Variants in TAMM41 observed in about 807,000 individuals in gnomAD.
The protein encoded by TAMM41 is TAM41 mitochondrial translocator assembly and maintenance homolog, also known as phosphatidate cytidylyltransferase, mitochondrial.
TAMM41 carries 36 observed loss-of-function variants against 44.1 expected under a neutral mutation model. The ratio of observed to expected loss-of-function variants is 0.82; its 90% CI spans 0.63 to 1.08. The LOEUF (loss-of-function observed/expected upper bound fraction) is 1.08. Ranked by LOEUF, TAMM41 falls within the 50% of genes least tolerant of loss-of-function variation. The probability of loss-of-function intolerance (pLI) is 0.00; values close to 1 mark genes in which losing one functional copy is unlikely to be tolerated. For missense variants in TAMM41, 417 were observed against 404.3 expected, an observed-to-expected ratio of 1.03 and a Z score of -0.27; for synonymous variants, 164 against 153.1, an observed-to-expected ratio of 1.07 and a Z score of -0.53.
intron 7 of TAMM41, 82 bp from the exon 8 acceptor site, chr3:11,790,663 C>T (rs2077457934): frequency 7.6e-7 from 1 of 1,307,682 alleles, no homozygotes; most frequent in Non-Finnish European, 1.1e-6. Context: ...TCTGAGCAGA[C>T]TTGTCTTTGG....
chr3:11,780,022 G>GT, the TAMM41 span, among the ~76,000 whole-genome samples: 11 of 152,202 alleles, frequency 7.2e-5, no homozygotes, highest in African/African-American at 2.6e-4. Flanking sequence ...CAGTGATCCT[G>GT]CCCTGGACCA....
chr3:11,839,048 T>C (rs556873590), intron 3 of TAMM41, among the ~76,000 whole-genome samples, 174 bp downstream of exon 3: 1 of 152,356 alleles, frequency 6.6e-6, no homozygotes, highest in African/African-American at 2.4e-5. Flanking sequence ...TTTCTTCTTA[T>C]ATCACAATAG....
intron 2 of TAMM41, among the ~76,000 whole-genome samples, chr3:11,839,882 T>G (rs140274070): frequency 6.6e-6 from 1 of 151,946 alleles, no homozygotes; most frequent in Non-Finnish European, 1.5e-5. Context: ...GACTTGTGAG[T>G]TCTCCAATTA....
chr3:11,733,179 G>T, the TAMM41 span, among the ~76,000 whole-genome samples: 9 of 150,722 alleles, frequency 6.0e-5, no homozygotes, highest in South Asian at 6.3e-4. Flanking sequence ...TTGTATTTTT[G>T]GTATAGGCAG....
chr3:11,842,811 G>A (rs1310789433), intron 2 of TAMM41, among the ~76,000 whole-genome samples: 2 of 152,136 alleles, frequency 1.3e-5, no homozygotes, highest in Non-Finnish European at 1.5e-5. Flanking sequence ...AAGCCTGACC[G>A]CCTTGAACAA....
At chr3:11,798,247 C>T (rs1259838598) in intron 7 of TAMM41, among the ~76,000 whole-genome samples, 1 of 152,134 alleles carries the variant, frequency 6.6e-6, no homozygotes, top group East Asian at 1.9e-4. Flanking sequence ...TGGAATCAAC[C>T]TAAATGCCCA....
chr3:11,790,194 T>G (rs1476329399), downstream of TAMM41, among the ~76,000 whole-genome samples: 1 of 152,186 alleles, frequency 6.6e-6, no homozygotes, highest in African/African-American at 2.4e-5. Context: ...GGGCTACGTG[T>G]TGACAGCATA....
At chr3:11,832,043 A>G (rs998592907) in intron 3 of TAMM41, among the ~76,000 whole-genome samples, 1 of 152,192 alleles carries the variant, frequency 6.6e-6, no homozygotes, top group African/African-American at 2.4e-5. Context: ...TCAGGATCAC[A>G]TTCTTTTACT....
At chr3:11,835,020 A>C (rs769281529) in intron 3 of TAMM41, among the ~76,000 whole-genome samples, 2 of 152,144 alleles carry the variant, frequency 1.3e-5, no homozygotes, top group African/African-American at 2.4e-5. Flanking sequence ...ATTACTAGTG[A>C]TTGAGGAATT....
At chr3:11,846,222 G>T (rs774654505) in intron 1 of TAMM41, among the ~76,000 whole-genome samples, 70 of 152,216 alleles carry the variant, frequency 4.6e-4, no homozygotes, top group Non-Finnish European at 8.7e-4. Context: ...ACCTGATAAC[G>T]ATTTCTTTTC....
chr3:11,778,614 CT>C, the TAMM41 span, among the ~76,000 whole-genome samples: 11 of 151,414 alleles, frequency 7.3e-5, no homozygotes, highest in South Asian at 2.1e-4. Flanking sequence ...TTTTTTTGTC[CT>C]TTTTTTTTCT....
chr3:11,725,425 T>TC, the TAMM41 span, among the ~76,000 whole-genome samples: 1 of 68,110 alleles, frequency 1.5e-5, no homozygotes, highest in African/African-American at 7.4e-5. Context: ...TTCTTCTTCT[T>TC]TCCTCCTCCT....
chr3:11,818,869 G>A (rs1406437998), intron 4 of TAMM41, among the ~76,000 whole-genome samples: 1 of 146,662 alleles, frequency 6.8e-6, no homozygotes. Context: ...CTGCACTCCA[G>A]CCTGGGTGAT....
At chr3:11,772,847 C>A in the TAMM41 span, among the ~76,000 whole-genome samples, 1 of 152,150 alleles carries the variant, frequency 6.6e-6, no homozygotes, top group Non-Finnish European at 1.5e-5. Context: ...AATCATCCTG[C>A]CAAGTAGGGT....
Position 11,846,561 on chromosome 3 carries a change from G to A in TAMM41, c.76C>T (p.Leu26=). 6.2e-7 allele frequency: 1 copy of A among 1,614,244 alleles called. No homozygotes were observed. Among genetic ancestry groups the A allele is most frequent in the Non-Finnish European group, 8.5e-7 (1 of 1,180,048 alleles). Residue 26 remains leucine (L), a synonymous_variant, in exon 1 of 8, where the codon CTG becomes TTG. Coordinates refer to ENST00000455809, the MANE Select transcript of TAMM41 (RefSeq NM_001284401.2). ...ILSHFPEELS[L]AFVYGSGVYR... is the part of the protein sequence containing the mutation. ...ACCCCGGAGCCGTAGACGAAAGCCAGACTCAGCTCCTCGGGGAAGTGAGAC... is the reference window on the plus strand; with the variant it reads ...ACCCCGGAGCCGTAGACGAAAGCCAAACTCAGCTCCTCGGGGAAGTGAGAC...
the TAMM41 span, among the ~76,000 whole-genome samples, chr3:11,726,768 A>G: frequency 1.4e-5 from 2 of 147,964 alleles, no homozygotes; most frequent in Non-Finnish European, 3.0e-5. Context: ...GCGCTGCTGC[A>G]CTCCAGCCTG....
chr3:11,812,720 C>T (rs1010962229), intron 5 of TAMM41, among the ~76,000 whole-genome samples: 4 of 152,318 alleles, frequency 2.6e-5, no homozygotes, highest in Non-Finnish European at 4.4e-5. Flanking sequence ...CAGAAGCAAT[C>T]GGCCCTGGTC....
the TAMM41 span, among the ~76,000 whole-genome samples, chr3:11,724,467 G>A: frequency 2.7e-5 from 4 of 150,896 alleles, no homozygotes; most frequent in African/African-American, 9.8e-5. Flanking sequence ...CCAGGCTGGA[G>A]TGCAGTGGCA....
At chr3:11,794,754 C>T (rs2077565738) in intron 7 of TAMM41, among the ~76,000 whole-genome samples, 1 of 152,138 alleles carries the variant, frequency 6.6e-6, no homozygotes, top group Admixed American at 6.5e-5. Context: ...AACAGATGGG[C>T]TACTGACAGA....
Sources: allele counts gnomAD v4.1 joint callset (sites outside exome capture counted in the v4.1 genomes callset), GRCh38; gene constraint gnomAD v4.1.1; transcripts MANE v1.5; gene names NCBI Gene and HGNC (gene_info 2026-07-23, HGNC 2026-07-21).